GRID1: variants seen among roughly 807,000 people sequenced by gnomAD.
GRID1 encodes the protein glutamate ionotropic receptor delta type subunit 1.
GRID1 carries 28 observed loss-of-function variants against 98.0 expected under a neutral mutation model. The ratio of observed to expected loss-of-function variants is 0.29; its 90% CI spans 0.21 to 0.39. The LOEUF (loss-of-function observed/expected upper bound fraction) is 0.39. GRID1 is among the 10% of genes least tolerant of loss of function. The probability of loss-of-function intolerance (pLI) is 1.00; values close to 1 mark genes in which losing one functional copy is unlikely to be tolerated. For missense variants in GRID1, 1,111 were observed against 1,340.5 expected, an observed-to-expected ratio of 0.83 and a Z score of 2.67; for synonymous variants, 553 against 538.5, an observed-to-expected ratio of 1.03 and a Z score of -0.37.
chr10:85,778,450 A>C (rs1842352159), intron 8 of GRID1, among the ~76,000 whole-genome samples: 2 of 152,196 alleles, frequency 1.3e-5, no homozygotes, highest in South Asian at 2.1e-4. Context: ...ATTCACCCCC[A>C]AAAAATAATT....
At chr10:85,891,168 T>C (rs1381565203) in intron 5 of GRID1, among the ~76,000 whole-genome samples, 1 of 152,206 alleles carries the variant, frequency 6.6e-6, no homozygotes, top group Admixed American at 6.5e-5. Flanking sequence ...TGAGACCTTA[T>C]GTTTCACATT....
At chr10:85,694,840 G>T (rs904248186) in intron 12 of GRID1, among the ~76,000 whole-genome samples, 2 of 151,630 alleles carry the variant, frequency 1.3e-5, no homozygotes, top group African/African-American at 4.8e-5. Flanking sequence ...GTGACAATGA[G>T]AAATTACTTA....
chr10:85,881,619 T>C (rs954902314), intron 5 of GRID1, among the ~76,000 whole-genome samples: 8 of 152,064 alleles, frequency 5.3e-5, no homozygotes, highest in African/African-American at 1.4e-4. Flanking sequence ...ATACAAAAAT[T>C]AATTCAAGAT....
rs58357979 is a variant in GRID1 at position 85,855,427 on chromosome 10, C to T, written c.1113+602G>A. On this transcript the variant is annotated intron_variant, in intron 7 of 15. Transcript: ENST00000327946. ...CCAGAAACACCTGGCCCAGAAGGGGCCCTGGCTCTGCCCTGGGCTGTAGTA... is the reference window on the plus strand; with the variant it reads ...CCAGAAACACCTGGCCCAGAAGGGGTCCTGGCTCTGCCCTGGGCTGTAGTA... Among the ~76,000 whole-genome samples the T allele has an allele frequency of 5.4e-3, 828 of 152,320 alleles. 6 individuals are homozygous for T. Among genetic ancestry groups the T allele is most frequent in the African/African-American group, 0.019 (781 of 41,566 alleles).
intron 12 of GRID1, among the ~76,000 whole-genome samples, chr10:85,721,301 C>T (rs766009019): frequency 6.6e-6 from 1 of 152,098 alleles, no homozygotes; most frequent in African/African-American, 2.4e-5. Flanking sequence ...CTTACAATAC[C>T]CAACATGAAC....
intron 12 of GRID1, among the ~76,000 whole-genome samples, chr10:85,700,448 G>T (rs1841438435): frequency 6.6e-6 from 1 of 152,128 alleles, no homozygotes; most frequent in South Asian, 2.1e-4. Flanking sequence ...GGCCAAATAT[G>T]ATCTTTCTGA....
chr10:85,989,231 G>A (rs1003562189), intron 4 of GRID1, among the ~76,000 whole-genome samples: 1 of 152,214 alleles, frequency 6.6e-6, no homozygotes, highest in Non-Finnish European at 1.5e-5. Flanking sequence ...CATGCAAAAA[G>A]TGTGTCACAG....
chr10:86,162,394 C>T (rs1363973729), intron 3 of GRID1, among the ~76,000 whole-genome samples: 2 of 152,198 alleles, frequency 1.3e-5, no homozygotes, highest in Non-Finnish European at 1.5e-5. Flanking sequence ...CATCCCCATC[C>T]CAGCCACCCA....
At chr10:85,951,531 A>G (rs1842125728) in intron 4 of GRID1, among the ~76,000 whole-genome samples, 1 of 152,172 alleles carries the variant, frequency 6.6e-6, no homozygotes, top group Non-Finnish European at 1.5e-5. Context: ...CTCCAGGTTC[A>G]TTTCGTATGC....
At chr10:85,621,755 C>T (rs912477378) in intron 13 of GRID1, among the ~76,000 whole-genome samples, 21 of 152,164 alleles carry the variant, frequency 1.4e-4, no homozygotes, top group African/African-American at 4.8e-4. Context: ...ACATCTCTCT[C>T]CTTCCTTGTA....
chr10:85,944,309 C>A (rs1842029318), intron 4 of GRID1, among the ~76,000 whole-genome samples: 1 of 152,086 alleles, frequency 6.6e-6, no homozygotes, highest in Non-Finnish European at 1.5e-5. Context: ...AGCTAATAAA[C>A]AAATAAAAAT....
At chr10:86,170,613 G>T (rs1435821679) in intron 3 of GRID1, among the ~76,000 whole-genome samples, 1 of 152,186 alleles carries the variant, frequency 6.6e-6, no homozygotes, top group Non-Finnish European at 1.5e-5. Context: ...CAGAGAGCCT[G>T]CCATGGCTAT....
intron 8 of GRID1, among the ~76,000 whole-genome samples, chr10:85,790,673 T>TCC (rs1842470388): frequency 2.0e-5 from 3 of 152,064 alleles, no homozygotes; most frequent in African/African-American, 7.2e-5. Flanking sequence ...AGGCCCTTGG[T>TCC]CCCCTCGCCT....
rs139768921 is a variant in GRID1 at position 86,025,111 on chromosome 10, C to A, written c.727-108872G>T. 5.5e-3 allele frequency among the ~76,000 whole-genome samples: 836 copies of A among 152,234 alleles called. 22 individuals carry two copies. Among genetic ancestry groups the A allele is most frequent in the Non-Finnish European group, 1.8e-3 (122 of 68,018 alleles). On this transcript the variant is annotated intron_variant, in intron 4 of 15. Transcript: ENST00000327946. Reference sequence around the variant, plus strand: ...GTCCCCATGTGGCCAGAATAGTTTGCGAGAAAGCAGCCCTGATGGAGAAGT... The same window carrying A: ...GTCCCCATGTGGCCAGAATAGTTTGAGAGAAAGCAGCCCTGATGGAGAAGT...
At chr10:86,169,854 C>T (rs1845456876) in intron 3 of GRID1, among the ~76,000 whole-genome samples, 1 of 152,228 alleles carries the variant, frequency 6.6e-6, no homozygotes, top group Admixed American at 6.5e-5. Flanking sequence ...AGCGGCAGCC[C>T]ATGTGGCTCC....
At chr10:85,933,108 T>G (rs1424988407) in intron 4 of GRID1, among the ~76,000 whole-genome samples, 1 of 152,060 alleles carries the variant, frequency 6.6e-6, no homozygotes, top group African/African-American at 2.4e-5. Flanking sequence ...AGTGGCTTCC[T>G]TATAAAAGGG....
chr10:85,673,249 G>A (rs1841107605), intron 12 of GRID1, among the ~76,000 whole-genome samples: 3 of 152,140 alleles, frequency 2.0e-5, no homozygotes, highest in Admixed American at 2.0e-4. Context: ...CAAAGAAAGT[G>A]GCTTCTTGAG....
chr10:86,206,396 T>A lies in GRID1; in HGVS notation c.488A>T (p.Gln163Leu). Residue 163 changes from glutamine (Q) to leucine (L), a missense_variant, in exon 3 of 16, where the codon CAG becomes CTG. This residue lies in a region of GRID1 where 346 missense variants were observed against 452.3 expected (regional missense o/e 0.76). Transcript: ENST00000327946. The surrounding 1 kb of genome is among the most constrained non-coding windows in gnomAD (Gnocchi z 4.1). ...MLRLVTELRWQKFVMFYDSEY... is the reference protein window; with the variant it reads ...MLRLVTELRWLKFVMFYDSEY... ...GCTGTCGTAGAACATGACGAACTTC[T>A]GCCAGCGCAGCTCCGTCACCAGCCT... 6.2e-7 allele frequency: 1 copy of A among 1,608,528 alleles called. No homozygotes were observed. Among genetic ancestry groups the A allele is most frequent in the Non-Finnish European group, 8.5e-7 (1 of 1,175,450 alleles).
chr10:86,222,986 AC>A (rs1453286712), intron 2 of GRID1, among the ~76,000 whole-genome samples: 6 of 151,926 alleles, frequency 3.9e-5, no homozygotes, highest in Admixed American at 3.9e-4. Context: ...TAGGGTCCCC[AC>A]CCCACTGTGA....
Sources: gnomAD v4.1 joint callset for allele counts (sites outside exome capture counted in the v4.1 genomes callset) on GRCh38, gnomAD v4.1.1 for gene constraint, gnomAD v4.1.1 regional missense constraint, Gnocchi (gnomAD v3.1) non-coding constraint, MANE v1.5 for transcripts, NCBI Gene and HGNC (gene_info 2026-07-23, HGNC 2026-07-21) for gene names.